The following ADAMTS20 variants were observed in gnomAD, a reference collection of about 807,000 sequenced individuals.
The protein encoded by ADAMTS20 is A disintegrin and metalloproteinase with thrombospondin motifs 20.
Under a neutral mutation model 260.1 loss-of-function variants are expected in ADAMTS20, and 225 were observed. That is an observed-to-expected ratio of 0.87 (90% CI 0.78 to 0.97). The LOEUF is 0.97. Among genes scored for constraint, ADAMTS20 ranks in the 50% least tolerant of loss-of-function variants. ADAMTS20 has a pLI of 0.00. For missense variants in ADAMTS20, 2,400 were observed against 2,337.7 expected (o/e 1.03, Z -0.55); for synonymous variants, 802 against 769.5 (o/e 1.04, Z -0.70).
In ADAMTS20 at chr12:43,429,731, A is replaced by G. The variant is rs572091188; in HGVS notation, c.3382-7T>C. 1.4e-5 allele frequency: 21 copies of G among 1,530,342 alleles called. No individual in the cohort carries two copies. The African/African-American group carries it at 2.9e-4, about 21-fold the overall frequency. The allele number at this position is 1,530,342 out of a possible 1,614,324, so 94.8% of individuals were successfully genotyped here. On this transcript the variant is annotated splice_region_variant and splice_polypyrimidine_tract_variant and intron_variant, in intron 23 of 38. Coordinates refer to ENST00000389420, the MANE Select transcript of ADAMTS20 (RefSeq NM_025003.5). The stretch of plus-strand genomic sequence containing the variant: ...AAGGTGTAAGTACACAGCTCTGTTC[A>G]GAAGAAAAATGGTTCTCGTAAAACA...
At chr12:43,384,799 T>A (rs898474165) in intron 29 of ADAMTS20, among the ~76,000 whole-genome samples, 1 of 152,244 alleles carries the variant, frequency 6.6e-6, no homozygotes. Context: ...CCTTTTTTTA[T>A]AGCTGCATAG....
At chr12:43,379,226 C>G (rs544241496) in intron 31 of ADAMTS20, among the ~76,000 whole-genome samples, 6 of 152,108 alleles carry the variant, frequency 3.9e-5, no homozygotes, top group Non-Finnish European at 8.8e-5. Flanking sequence ...ACATTTGTTG[C>G]GCTCAATTAA....
chr12:43,390,681 G>A (rs1940578772), intron 29 of ADAMTS20, among the ~76,000 whole-genome samples: 1 of 152,080 alleles, frequency 6.6e-6, no homozygotes, highest in Non-Finnish European at 1.5e-5. Context: ...TTCCTACACT[G>A]TCCAATAACA....
chr12:43,431,591 G>A, intron 21 of ADAMTS20, 95 bp from the exon 22 acceptor site: 1 of 1,419,502 alleles, frequency 7.0e-7, no homozygotes, highest in Non-Finnish European at 9.8e-7. Context: ...TAGAAATACA[G>A]TTGAAAAACC....
At chr12:43,392,058 G>C (rs1940607513) in intron 29 of ADAMTS20, among the ~76,000 whole-genome samples, 1 of 152,156 alleles carries the variant, frequency 6.6e-6, no homozygotes, top group South Asian at 2.1e-4. Context: ...TTAAGCAGTT[G>C]AATTTTGCCA....
At chr12:43,436,486 T>C (rs1941557321) in intron 18 of ADAMTS20, among the ~76,000 whole-genome samples, 1 of 59,646 alleles carries the variant, frequency 1.7e-5, no homozygotes, top group Non-Finnish European at 2.6e-5. Context: ...GCCCCAAATA[T>C]TTAAAATATG....
chr12:43,374,036 G>T (rs1483021362), intron 36 of ADAMTS20, among the ~76,000 whole-genome samples: 1 of 151,960 alleles, frequency 6.6e-6, no homozygotes, highest in African/African-American at 2.4e-5. Context: ...AAAGAAAAAG[G>T]AAATGAAGAA....
chr12:43,545,908 T>A (rs568535855), intron 2 of ADAMTS20, among the ~76,000 whole-genome samples: 1 of 152,274 alleles, frequency 6.6e-6, no homozygotes, highest in South Asian at 2.1e-4. Flanking sequence ...TTGAAAGACC[T>A]GGACTAACAC....
At chr12:43,464,522 T>C (rs1401123406) in intron 10 of ADAMTS20, 69 bp downstream of exon 10, 45 of 1,534,566 alleles carry the variant, frequency 2.9e-5, no homozygotes, top group Non-Finnish European at 3.5e-5. Flanking sequence ...AATAAACACA[T>C]TTTGAAATAT....
At chr12:43,499,097 T>C (rs1022875280) in intron 4 of ADAMTS20, among the ~76,000 whole-genome samples, 9 of 152,116 alleles carry the variant, frequency 5.9e-5, no homozygotes, top group Admixed American at 5.2e-4. Context: ...AGAAAGCATA[T>C]ACAAAAACTC....
rs527998641 is a variant in ADAMTS20 at position 43,537,654 on chromosome 12, C to T, written c.454-5459G>A. ...TACTCATTAACCATCCCCACCTCTC[C>T]CCACCCCACACACCCTCTCTCTATC... On this transcript the variant is annotated intron_variant, in intron 2 of 38. Coordinates refer to ENST00000389420, the MANE Select transcript of ADAMTS20 (RefSeq NM_025003.5). Among the ~76,000 whole-genome samples the T allele has an allele frequency of 4.6e-5, 7 of 152,200 alleles. No homozygotes were observed. The South Asian group carries it at 1.0e-3, about 23-fold the overall frequency.
At chr12:43,508,496 T>A (rs1404990449) in intron 3 of ADAMTS20, among the ~76,000 whole-genome samples, 1 of 152,166 alleles carries the variant, frequency 6.6e-6, no homozygotes, top group Non-Finnish European at 1.5e-5. Flanking sequence ...ACAGAAACTT[T>A]ATAGAAATGA....
intron 11 of ADAMTS20, among the ~76,000 whole-genome samples, chr12:43,455,350 A>C (rs1941944890): frequency 6.6e-6 from 1 of 152,202 alleles, no homozygotes; most frequent in African/African-American, 2.4e-5. Flanking sequence ...AGATCTGGGA[A>C]ATCTAAGGTC....
intron 3 of ADAMTS20, among the ~76,000 whole-genome samples, chr12:43,515,412 C>T (rs1253037174): frequency 6.6e-6 from 1 of 152,096 alleles, no homozygotes; most frequent in Non-Finnish European, 1.5e-5. Flanking sequence ...ATTCAGATAT[C>T]TAAGATGTAA....
chr12:43,488,223 T>G (rs1390249653), intron 7 of ADAMTS20, among the ~76,000 whole-genome samples: 2 of 151,882 alleles, frequency 1.3e-5, no homozygotes, highest in Admixed American at 6.6e-5. Context: ...GGTTATAGAG[T>G]TCAGGTTTAA....
chr12:43,427,963 C>G (rs1758547182), intron 26 of ADAMTS20, among the ~76,000 whole-genome samples: 1 of 152,090 alleles, frequency 6.6e-6, no homozygotes, highest in Non-Finnish European at 1.5e-5. Context: ...AGTCTTACCC[C>G]TTAAAGCATT....
At chr12:43,369,581 G>GTTCATATCA (rs1221914377) in intron 36 of ADAMTS20, among the ~76,000 whole-genome samples, 200 bp from the exon 37 acceptor site, 3 of 151,966 alleles carry the variant, frequency 2.0e-5, no homozygotes, top group Non-Finnish European at 4.4e-5. Flanking sequence ...ATATAAAAAT[G>GTTCATATCA]TTCATATCAT....
At chr12:43,481,211 TATAA>T (rs1476826017) in intron 7 of ADAMTS20, among the ~76,000 whole-genome samples, 28 of 152,282 alleles carry the variant, frequency 1.8e-4, no homozygotes, top group African/African-American at 2.9e-4. Flanking sequence ...AGCAGTAGGA[TATAA>T]ATAACTTCCA....
chr12:43,501,477 G>GCACACACACACACACA (rs1299065787), intron 4 of ADAMTS20, among the ~76,000 whole-genome samples: 8 of 62,264 alleles, frequency 1.3e-4, no homozygotes, highest in South Asian at 6.7e-4. Context: ...GCGCGCGCGC[G>GCACACACACACACACA]CGCGCACACA....
Sources: gnomAD v4.1 joint callset for allele counts (sites outside exome capture counted in the v4.1 genomes callset) on GRCh38, gnomAD v4.1.1 for gene constraint, MANE v1.5 for transcripts, NCBI Gene and HGNC (gene_info 2026-07-23, HGNC 2026-07-21) for gene names.